The following PAPOLG variants were observed in gnomAD, a reference collection of about 807,000 sequenced individuals.
The protein encoded by PAPOLG is poly(A) polymerase gamma, also known as PAP-gamma.
A neutral mutation model predicts 99.0 loss-of-function variants in PAPOLG; 40 were observed. That is an observed-to-expected ratio of 0.40 (90% CI 0.31 to 0.53). The LOEUF (loss-of-function observed/expected upper bound fraction) is 0.53. Ranked by LOEUF, PAPOLG falls within the 20% of genes least tolerant of loss-of-function variation. The pLI is 0.41. For missense variants in PAPOLG, 675 were observed against 884.1 expected (o/e 0.76, Z 3.00); for synonymous variants, 310 against 299.3 (o/e 1.04, Z -0.37).
rs936588635 is a variant in PAPOLG, at chr2:60,771,658, A to G, written c.604+28A>G. 8 of 1,586,840 alleles carry G rather than the reference A, an allele frequency of 5.0e-6. No homozygotes were observed. The African/African-American group carries it at 8.2e-5, about 16-fold the overall frequency. The stretch of plus-strand genomic sequence containing the variant: ...AAGCTTCTAAAAAGAAATCTCAGAT[A>G]CCTGCTTCAGAACAATTAGAGAAAT... On this transcript the variant is annotated intron_variant, in intron 7 of 21. Coordinates refer to ENST00000238714, the MANE Select transcript of PAPOLG (RefSeq NM_022894.4).
At position 60,792,891 on chromosome 2, in the gene PAPOLG, CAG is replaced by C. The variant is rs369296965; in HGVS notation, c.1679+603_1679+604del. ...TCTCTACTAAAAATGCAAAAATTAA[CAG>C]GGTGTGGTGGCATGTGCCTGTATTC... On this transcript the variant is annotated intron_variant, in intron 17 of 21. Coordinates refer to ENST00000238714, the MANE Select transcript of PAPOLG (RefSeq NM_022894.4). 1.9e-3 allele frequency among the ~76,000 whole-genome samples: 291 copies of C among 152,214 alleles called. 10 individuals are homozygous for C. In the South Asian group the frequency reaches 0.055, roughly 29 times the overall value.
chr2:60,791,666 G>A, intron 15 of PAPOLG, 95 bp from the exon 16 acceptor site: 1 of 1,454,130 alleles, frequency 6.9e-7, no homozygotes, highest in Non-Finnish European at 9.2e-7. Flanking sequence ...TGGTGATAGT[G>A]GGGAGATAGT....
chr2:60,781,896 A>C lies in PAPOLG; in HGVS notation c.918A>C (p.Ser306=), dbSNP rs1466010945. The change falls in exon 11 of 22, where the codon TCA becomes TCC. Residue 306 remains serine (S), a synonymous_variant. Transcript: ENST00000238714. ...LPVWDPRVNP[S]DRYHLMPIIT... ...TTCTAATTTCACAGGTAAATCCATC[A>C]GATAGGTATCATCTCATGCCCATAA... The C allele has an allele frequency of 6.2e-7, 1 of 1,614,060 alleles. No individual in the cohort carries two copies. The highest frequency in any genetic ancestry group is 8.5e-7 in the Non-Finnish European group (1 of 1,179,936).
At position 60,771,599 on chromosome 2, in the gene PAPOLG, C is replaced by T; in HGVS notation, c.573C>T (p.Ser191=). ...TAAGAGACGACTCTCGCCTGAGAAG[C>T]CTTGATATAAGGTGTATTCGCAGCT... ...LDLRDDSRLR[S]LDIRCIRSLN... The change falls in exon 7 of 22, where the codon AGC becomes AGT. Residue 191 remains serine, a synonymous_variant. Transcript: ENST00000238714. The T allele has an allele frequency of 6.2e-7, 1 of 1,607,136 alleles. No individual in the cohort carries two copies. Among genetic ancestry groups the T allele is most frequent in the Non-Finnish European group, 8.5e-7 (1 of 1,178,176 alleles).
At chr2:60,779,598 A>T in intron 8 of PAPOLG, 39 bp from the exon 9 acceptor site, 2 of 1,572,954 alleles carry the variant, frequency 1.3e-6, no homozygotes, top group Non-Finnish European at 1.7e-6. Context: ...CACAGATAGT[A>T]GGTCCTAATA....
intron 3 of PAPOLG, among the ~76,000 whole-genome samples, chr2:60,766,723 G>T (rs558888072): frequency 8.2e-6 from 1 of 121,670 alleles, no homozygotes; most frequent in East Asian, 2.4e-4. Context: ...TGCCCAGAAA[G>T]AATGGGCAAG....
intron 1 of PAPOLG, among the ~76,000 whole-genome samples, chr2:60,758,133 C>T (rs111941797): frequency 1.3e-5 from 2 of 152,168 alleles, no homozygotes; most frequent in Admixed American, 1.3e-4. Flanking sequence ...GATAATTACT[C>T]TGTCCTATTC....
chr2:60,760,382 A>T (rs1670488777), intron 2 of PAPOLG, 87 bp downstream of exon 2: 4 of 1,272,106 alleles, frequency 3.1e-6, no homozygotes, highest in Non-Finnish European at 4.4e-6. Flanking sequence ...CTGTGTCTCT[A>T]GATACAGGTG....
At chr2:60,795,827 C>G (rs1671678079) in intron 21 of PAPOLG, among the ~76,000 whole-genome samples, 2 of 151,878 alleles carry the variant, frequency 1.3e-5, no homozygotes, top group African/African-American at 4.8e-5. Flanking sequence ...GATTTTGAGC[C>G]TTTAACATAA....
intron 21 of PAPOLG, 95 bp downstream of exon 21, chr2:60,795,115 G>T: frequency 9.3e-7 from 1 of 1,078,342 alleles, no homozygotes. Context: ...CTAGCACTGG[G>T]AAAAAGTAAG....
In PAPOLG at chr2:60,783,223, T is replaced by G. The variant is rs201507472; in HGVS notation, c.1166+14T>G. ...CCATCTAGAGTGGTAAGACTTCTAT[T>G]TCAAGTTTTCTACCTACTGTGTGGT... On this transcript the variant is annotated intron_variant, in intron 13 of 21. Coordinates refer to ENST00000238714, the MANE Select transcript of PAPOLG (RefSeq NM_022894.4). 110 of 1,517,480 alleles carry G rather than the reference T, an allele frequency of 7.2e-5. No individual in the cohort carries two copies. Among genetic ancestry groups the G allele is most frequent in the Middle Eastern group, 1.8e-4 (1 of 5,466 alleles). 94.0% of individuals were successfully genotyped at this position (1,517,480 alleles called of 1,614,324 possible).
chr2:60,758,340 T>G (rs1449505395), intron 1 of PAPOLG, among the ~76,000 whole-genome samples: 4 of 149,862 alleles, frequency 2.7e-5, no homozygotes, highest in South Asian at 2.1e-4. Context: ...TTTTTTTTTT[T>G]TTTTTTTTTT....
intron 10 of PAPOLG, among the ~76,000 whole-genome samples, chr2:60,781,121 C>T (rs1167959404): frequency 3.3e-5 from 5 of 152,110 alleles, no homozygotes; most frequent in African/African-American, 7.2e-5. Flanking sequence ...TTTGGGAGGC[C>T]GAGGCGGGTG....
At chr2:60,770,580 C>T in intron 6 of PAPOLG, 69 bp downstream of exon 6, 3 of 1,001,412 alleles carry the variant, frequency 3.0e-6, no homozygotes, top group South Asian at 3.5e-5. Flanking sequence ...TTTCTGAAAT[C>T]AGGCTTAACA....
At chr2:60,781,467 C>G (rs1671187449) in intron 10 of PAPOLG, among the ~76,000 whole-genome samples, 1 of 152,242 alleles carries the variant, frequency 6.6e-6, no homozygotes, top group South Asian at 2.1e-4. Context: ...CATAATTCTC[C>G]CATATCTTGC....
chr2:60,781,779 A>G, intron 10 of PAPOLG, 106 bp from the exon 11 acceptor site: 1 of 1,442,830 alleles, frequency 6.9e-7, no homozygotes, highest in Non-Finnish European at 9.5e-7. Flanking sequence ...ACTTGAGGAA[A>G]TGTAGTATTA....
intron 17 of PAPOLG, among the ~76,000 whole-genome samples, chr2:60,793,336 T>C (rs545634512): frequency 6.6e-6 from 1 of 151,858 alleles, no homozygotes; most frequent in East Asian, 1.9e-4. Flanking sequence ...GCAGGAGGAT[T>C]GCTTGAGCCT....
chr2:60,798,568 T>C lies in PAPOLG; in HGVS notation c.*1408T>C, dbSNP rs1207105568. On this transcript the variant is annotated 3_prime_UTR_variant, in exon 22 of 22. Transcript: ENST00000238714. ...GATTACACAGCCAGGAATGCTAGTA[T>C]CTACCACCTTCTTTAGATTTCACTC... The C allele has an allele frequency of 6.6e-6, 1 of 152,442 alleles. No homozygotes were observed. Among genetic ancestry groups the C allele is most frequent in the Middle Eastern group, 3.2e-3 (1 of 316 alleles). The allele number at this position is 152,442 out of a possible 1,614,324, so 9.4% of individuals were successfully genotyped here. A position where few individuals can be genotyped will look rare whatever the true frequency, so the allele number is the denominator to read the frequency against.
In PAPOLG at chr2:60,801,959, C is replaced by T. The variant is rs1483860170; in HGVS notation, c.*4799C>T. 1 of 152,410 alleles carries T rather than the reference C, an allele frequency of 6.6e-6. No homozygotes were observed. The highest frequency in any genetic ancestry group is 1.9e-4 in the East Asian group (1 of 5,324). 9.4% of individuals were successfully genotyped at this position (152,410 alleles called of 1,614,324 possible). ...GAATGGAGCTGCTGTTCCTTTCTAG[C>T]TAGCTGTTTGTGTAGTTCATATTAA... On this transcript the variant is annotated 3_prime_UTR_variant, in exon 22 of 22. Coordinates refer to ENST00000238714, the MANE Select transcript of PAPOLG (RefSeq NM_022894.4).
Sources: gnomAD v4.1 joint callset for allele counts (sites outside exome capture counted in the v4.1 genomes callset) on GRCh38, gnomAD v4.1.1 for gene constraint, MANE v1.5 for transcripts, NCBI Gene and HGNC (gene_info 2026-07-23, HGNC 2026-07-21) for gene names.